The following SH3D19 variants were observed in gnomAD, a reference collection of about 807,000 sequenced individuals.
The protein encoded by SH3D19 is SH3 domain-containing protein 19.
Under a neutral mutation model 112.1 loss-of-function variants are expected in SH3D19, and 58 were observed. The ratio of observed to expected loss-of-function variants is 0.52; its 90% confidence interval spans 0.42 to 0.64. The LOEUF (loss-of-function observed/expected upper bound fraction) is 0.64, where lower values mean the gene tolerates loss of function less well. SH3D19 is among the 30% of genes least tolerant of loss of function. The pLI, the probability that SH3D19 is intolerant of heterozygous loss-of-function variation, is 0.00. For synonymous variants in SH3D19, 391 were observed against 448.5 expected, an observed-to-expected ratio of 0.87 and a Z score of 1.62; for missense variants, 1,090 against 1,263.4, an observed-to-expected ratio of 0.86 and a Z score of 2.08.
intron 2 of SH3D19, among the ~76,000 whole-genome samples, chr4:151,193,513 G>A (rs1386868862): frequency 2.6e-5 from 4 of 152,070 alleles, no homozygotes; most frequent in East Asian, 3.8e-4. Flanking sequence ...CTGTCTCTTC[G>A]TAAGTTAAGA....
chr4:151,143,662 T>C (rs1245937742), intron 12 of SH3D19, among the ~76,000 whole-genome samples: 1 of 152,002 alleles, frequency 6.6e-6, no homozygotes, highest in Non-Finnish European at 1.5e-5. Context: ...TCTCGCTCTA[T>C]GGCCCAGGCT....
chr4:151,284,798 G>A (rs902126864), intron 1 of SH3D19, among the ~76,000 whole-genome samples: 11 of 152,258 alleles, frequency 7.2e-5, no homozygotes, highest in African/African-American at 2.6e-4. Flanking sequence ...ATCCAAACTG[G>A]ATCTCTCCTG....
intron 2 of SH3D19, among the ~76,000 whole-genome samples, chr4:151,204,369 G>A (rs60367453): frequency 0.051 from 7,714 of 152,274 alleles, 308 homozygotes; most frequent in East Asian, 0.19. Context: ...CTAGTAAAAG[G>A]AAGAAAAATG....
intron 1 of SH3D19, among the ~76,000 whole-genome samples, chr4:151,231,273 T>C (rs1415385652): frequency 6.6e-6 from 1 of 152,194 alleles, no homozygotes; most frequent in Non-Finnish European, 1.5e-5. Context: ...ATTTTACTTA[T>C]CAGATATCAG....
At chr4:151,322,254 G>A (rs1730608816) in intron 1 of SH3D19, among the ~76,000 whole-genome samples, 1 of 151,848 alleles carries the variant, frequency 6.6e-6, no homozygotes, top group Non-Finnish European at 1.5e-5. Context: ...CCAACATGGT[G>A]AAACCCCGTC....
At chr4:151,310,210 CAAAA>C (rs1207145608) in intron 1 of SH3D19, among the ~76,000 whole-genome samples, 1 of 100,298 alleles carries the variant, frequency 1.0e-5, no homozygotes. Flanking sequence ...TCTGTCTTTA[CAAAA>C]AAAAAAAAAA....
intron 2 of SH3D19, among the ~76,000 whole-genome samples, chr4:151,209,893 A>G (rs1015035969): frequency 2.0e-5 from 3 of 152,200 alleles, no homozygotes; most frequent in African/African-American, 7.2e-5. Flanking sequence ...AAATAAAAAT[A>G]ACAGAAATGG....
intron 1 of SH3D19, chr4:151,283,121 A>C: frequency 6.2e-7 from 1 of 1,613,654 alleles, no homozygotes; most frequent in Non-Finnish European, 8.5e-7. Flanking sequence ...CCACAGATAG[A>C]GATTACCATT....
At chr4:151,127,841 T>A (rs1321661198) in intron 18 of SH3D19, 126 bp from the exon 19 acceptor site, 2 of 497,406 alleles carry the variant, frequency 4.0e-6, no homozygotes, top group African/African-American at 2.0e-5. Context: ...GGTAGTGATA[T>A]TAGGCAAAGA....
At chr4:151,238,821 A>G (rs1406522260) in intron 1 of SH3D19, among the ~76,000 whole-genome samples, 1 of 152,110 alleles carries the variant, frequency 6.6e-6, no homozygotes. Flanking sequence ...GCCTTGACAA[A>G]CTACCTGAGG....
intron 1 of SH3D19, among the ~76,000 whole-genome samples, chr4:151,293,338 T>C (rs1234191256): frequency 1.3e-5 from 2 of 151,690 alleles, no homozygotes; most frequent in African/African-American, 4.8e-5. Flanking sequence ...CCGGGCATGG[T>C]GGCGGGCACC....
In SH3D19 at chr4:151,216,877, C is replaced by CTGTGTGTGTG. The variant is rs34575245; in HGVS notation, c.152+9160_152+9169dup. On this transcript the variant is annotated intron_variant, in intron 2 of 19. Transcript: ENST00000604030. ...TTCTGAAAACCACAACAAAACAACA[C>CTGTGTGTGTG]TGTGTGTGTGTGTGTGTGTGTGTGT... Among the ~76,000 whole-genome samples, 894 of 140,854 alleles carry CTGTGTGTGTG rather than the reference C, an allele frequency of 6.3e-3. 9 individuals are homozygous for CTGTGTGTGTG. Among genetic ancestry groups the CTGTGTGTGTG allele is most frequent in the African/African-American group, 0.012 (464 of 38,546 alleles). The allele number at this position is 140,854 out of a possible 152,430, so 92.4% of individuals were successfully genotyped here.
intron 2 of SH3D19, among the ~76,000 whole-genome samples, chr4:151,206,032 CA>C (rs1765057250): frequency 6.6e-6 from 1 of 152,106 alleles, no homozygotes; most frequent in Non-Finnish European, 1.5e-5. Context: ...ACACAAAACA[CA>C]TTAGGTGAGA....
chr4:151,217,707 C>A (rs1418625463), intron 2 of SH3D19, among the ~76,000 whole-genome samples: 1 of 151,964 alleles, frequency 6.6e-6, no homozygotes, highest in Non-Finnish European at 1.5e-5. Context: ...CACATCTATA[C>A]ACAAAGATAT....
chr4:151,175,334 T>C lies in SH3D19; in HGVS notation c.870A>G (p.Gln290=), dbSNP rs751145988. 1 of 1,613,210 alleles carries C rather than the reference T, an allele frequency of 6.2e-7. No homozygotes were observed. The change falls in exon 7 of 20, where the codon CAA becomes CAG. Residue 290 remains glutamine, a synonymous_variant. Coordinates refer to ENST00000604030, the MANE Select transcript of SH3D19 (RefSeq NM_001378122.1). Reference sequence around the variant, plus strand: ...CTTTAATTCTGGAAACAATACTATTTTGGCTTTGTTCTGTGTTCATAATGT... The same window carrying C: ...CTTTAATTCTGGAAACAATACTATTCTGGCTTTGTTCTGTGTTCATAATGT... ...VMNIMNTEQS[Q]NSIVSRIKVF...
chr4:151,292,918 A>G (rs1009837389), intron 1 of SH3D19, among the ~76,000 whole-genome samples: 7 of 151,738 alleles, frequency 4.6e-5, no homozygotes, highest in Admixed American at 4.6e-4. Flanking sequence ...TCAGGAGTTC[A>G]AGACCAGCCT....
At chr4:151,181,042 G>A (rs1421330957) in intron 3 of SH3D19, among the ~76,000 whole-genome samples, 3 of 151,660 alleles carry the variant, frequency 2.0e-5, no homozygotes, top group Non-Finnish European at 4.4e-5. Flanking sequence ...CAAAGTGCTG[G>A]GATTACAGGC....
intron 9 of SH3D19, 139 bp downstream of exon 9, chr4:151,159,101 G>T: frequency 2.1e-6 from 1 of 475,662 alleles, no homozygotes; most frequent in Non-Finnish European, 3.6e-6. Context: ...TAAGTACATG[G>T]GGCTTAGAGA....
intron 10 of SH3D19, among the ~76,000 whole-genome samples, chr4:151,148,435 T>G (rs1394139148): frequency 6.6e-6 from 1 of 152,190 alleles, no homozygotes; most frequent in Non-Finnish European, 1.5e-5. Flanking sequence ...CGCTAGAGAT[T>G]CATTAGTTCA....
Sources: gnomAD v4.1 joint callset for allele counts (sites outside exome capture counted in the v4.1 genomes callset) on GRCh38, gnomAD v4.1.1 for gene constraint, MANE v1.5 for transcripts, NCBI Gene and HGNC (gene_info 2026-07-23, HGNC 2026-07-21) for gene names.